Variants in RBFOX1 observed in about 807,000 individuals in gnomAD.
RBFOX1 encodes the protein RNA binding protein fox-1 homolog 1.
RBFOX1 carries 8 observed loss-of-function variants against 57.7 expected under a neutral mutation model. The ratio of observed to expected loss-of-function variants is 0.14; its 90% CI spans 0.08 to 0.25. The LOEUF is 0.25. Ranked by LOEUF, RBFOX1 falls within the 10% of genes least tolerant of loss-of-function variation. RBFOX1 has a pLI of 1.00. For missense variants in RBFOX1, 611 were observed against 548.5 expected (o/e 1.11, Z -1.14); for synonymous variants, 326 against 222.4 (o/e 1.47, Z -4.15).
intron 5 of RBFOX1, among the ~76,000 whole-genome samples, chr16:7,546,976 AAAAC>A (rs1269433167): frequency 2.0e-5 from 3 of 152,202 alleles, no homozygotes; most frequent in South Asian, 2.1e-4. Flanking sequence ...AGATAAAACT[AAAAC>A]AAAATCACCC....
chr16:5,631,489 G>C (rs150559970), intron 3 of RBFOX1, among the ~76,000 whole-genome samples: 1 of 151,682 alleles, frequency 6.6e-6, no homozygotes, highest in African/African-American at 2.4e-5. Flanking sequence ...CCAAGGAGGC[G>C]GAGGTTGCAG....
chr16:6,483,352 G>C, intron 2 of RBFOX1: 2 of 1,491,850 alleles, frequency 1.3e-6, no homozygotes, highest in Non-Finnish European at 1.8e-6. Context: ...GTGCCAGGCA[G>C]CCCGGGCGAG....
chr16:6,890,572 G>A (rs2065175154), intron 3 of RBFOX1, among the ~76,000 whole-genome samples: 1 of 152,140 alleles, frequency 6.6e-6, no homozygotes, highest in African/African-American at 2.4e-5. Flanking sequence ...TTGTGAGGAT[G>A]GTAAAGTGAT....
intron 2 of RBFOX1, among the ~76,000 whole-genome samples, chr16:5,544,628 T>C (rs971027119): frequency 4.6e-5 from 7 of 152,122 alleles, no homozygotes; most frequent in Non-Finnish European, 8.8e-5. Flanking sequence ...GATCAATAAA[T>C]TGAGAAGCAG....
intron 8 of RBFOX1, among the ~76,000 whole-genome samples, chr16:7,596,035 C>A (rs978683874): frequency 6.6e-6 from 1 of 150,428 alleles, no homozygotes; most frequent in Non-Finnish European, 1.5e-5. Context: ...GAAGAGGGAT[C>A]CACAGTGGTT....
chr16:7,556,594 G>C (rs114222829), intron 5 of RBFOX1, among the ~76,000 whole-genome samples: 3,822 of 152,218 alleles, frequency 0.025, 183 homozygotes, highest in African/African-American at 0.088. Flanking sequence ...TGGATACAGA[G>C]TTTCATTCAC....
At chr16:7,131,327 T>G (rs2070311344) in intron 4 of RBFOX1, among the ~76,000 whole-genome samples, 1 of 140,100 alleles carries the variant, frequency 7.1e-6, no homozygotes, top group Non-Finnish European at 1.5e-5. Flanking sequence ...GCGTGGGCAT[T>G]GCAGCGAGAC....
chr16:6,030,267 T>C (rs1317693536), intron 1 of RBFOX1, among the ~76,000 whole-genome samples: 2 of 152,202 alleles, frequency 1.3e-5, no homozygotes, highest in Non-Finnish European at 2.9e-5. Context: ...GTGTTAGCTT[T>C]GGTTTCAGGA....
intron 1 of RBFOX1, among the ~76,000 whole-genome samples, chr16:6,265,522 A>G (rs1333211332): frequency 1.3e-5 from 2 of 152,182 alleles, no homozygotes; most frequent in East Asian, 3.9e-4. Context: ...TCGGCCTCCC[A>G]GAGTGCTGGG....
chr16:7,141,505 G>C (rs2073779229), intron 4 of RBFOX1, among the ~76,000 whole-genome samples: 1 of 152,162 alleles, frequency 6.6e-6, no homozygotes, highest in Non-Finnish European at 1.5e-5. Flanking sequence ...CACGGAAATG[G>C]AGTTTTGCTA....
At chr16:6,154,662 G>T (rs2096826317) in intron 1 of RBFOX1, among the ~76,000 whole-genome samples, 1 of 152,142 alleles carries the variant, frequency 6.6e-6, no homozygotes, top group African/African-American at 2.4e-5. Flanking sequence ...GGAAACTAAG[G>T]GAATGAATAT....
intron 3 of RBFOX1, among the ~76,000 whole-genome samples, chr16:6,766,455 A>G (rs1006969340): frequency 1.3e-5 from 2 of 152,100 alleles, no homozygotes; most frequent in East Asian, 1.9e-4. Flanking sequence ...GTACAGTCAC[A>G]TGCCCTTCTT....
chr16:6,423,140 A>C (rs1196440037), intron 2 of RBFOX1, among the ~76,000 whole-genome samples: 4 of 152,146 alleles, frequency 2.6e-5, no homozygotes, highest in Non-Finnish European at 5.9e-5. Context: ...TTTTCCTCCC[A>C]GGTTGCTGCT....
chr16:6,831,396 C>G (rs1263418814), intron 3 of RBFOX1, among the ~76,000 whole-genome samples: 2 of 152,038 alleles, frequency 1.3e-5, no homozygotes, highest in African/African-American at 2.4e-5. Flanking sequence ...AGTTGTGTTA[C>G]CTATGCAAAA....
intron 4 of RBFOX1, among the ~76,000 whole-genome samples, chr16:5,968,642 C>G (rs190177154): frequency 4.0e-5 from 6 of 151,446 alleles, no homozygotes; most frequent in African/African-American, 1.2e-4. Context: ...TTTCTAATGT[C>G]TAGTAATTTG....
At chr16:7,458,410 C>T (rs926381459) in intron 4 of RBFOX1, among the ~76,000 whole-genome samples, 2 of 152,176 alleles carry the variant, frequency 1.3e-5, no homozygotes, top group Non-Finnish European at 2.9e-5. Flanking sequence ...TCTCCTTGTT[C>T]ATGTTCTGAG....
At chr16:5,985,379 T>A (rs2060266306) in intron 4 of RBFOX1, among the ~76,000 whole-genome samples, 1 of 152,070 alleles carries the variant, frequency 6.6e-6, no homozygotes, top group Non-Finnish European at 1.5e-5. Context: ...ACTGTATTAA[T>A]TCAGTCCCTT....
chr16:5,476,583 G>C (rs1287470320), intron 2 of RBFOX1, among the ~76,000 whole-genome samples: 2 of 152,186 alleles, frequency 1.3e-5, no homozygotes, highest in African/African-American at 2.4e-5. Flanking sequence ...CCATCTTACC[G>C]GGTCATTGTG....
At chr16:5,625,045 C>T (rs2048308636) in intron 3 of RBFOX1, among the ~76,000 whole-genome samples, 1 of 152,172 alleles carries the variant, frequency 6.6e-6, no homozygotes, top group South Asian at 2.1e-4. Flanking sequence ...ATAGGCGGCT[C>T]TGGATTCTAT....
Sources: gnomAD v4.1 joint callset for allele counts (sites outside exome capture counted in the v4.1 genomes callset) on GRCh38, gnomAD v4.1.1 for gene constraint, MANE v1.5 for transcripts, NCBI Gene and HGNC (gene_info 2026-07-23, HGNC 2026-07-21) for gene names.